The following GABRB2 variants were observed in gnomAD, a reference collection of about 807,000 sequenced individuals.
GABRB2 encodes gamma-aminobutyric acid type A receptor subunit beta2.
A neutral mutation model predicts 54.7 loss-of-function variants in GABRB2; 16 were observed. The ratio of observed to expected loss-of-function variants is 0.29; its 90% confidence interval spans 0.20 to 0.44. The LOEUF is 0.44. Ranked by LOEUF, GABRB2 falls within the 20% of genes least tolerant of loss-of-function variation. The probability of loss-of-function intolerance (pLI) is 1.00; values close to 1 mark genes in which losing one functional copy is unlikely to be tolerated. For missense variants in GABRB2, 355 were observed against 644.0 expected, an observed-to-expected ratio of 0.55 and a Z score of 4.86; for synonymous variants, 244 against 233.8, an observed-to-expected ratio of 1.04 and a Z score of -0.40.
intron 4 of GABRB2, among the ~76,000 whole-genome samples, chr5:161,432,523 T>C (rs527955115): frequency 6.6e-6 from 1 of 152,314 alleles, no homozygotes; most frequent in East Asian, 1.9e-4. Flanking sequence ...GAAGGTACTC[T>C]AAAATTCTGG....
At chr5:161,405,033 C>T (rs913891006) in intron 5 of GABRB2, among the ~76,000 whole-genome samples, 20 of 152,090 alleles carry the variant, frequency 1.3e-4, no homozygotes, top group Non-Finnish European at 2.6e-4. Flanking sequence ...TAACTTTCAG[C>T]CAAAAATTGC....
At chr5:161,295,854 T>G (rs1757366866) in intron 9 of GABRB2, among the ~76,000 whole-genome samples, 1 of 152,168 alleles carries the variant, frequency 6.6e-6, no homozygotes, top group Non-Finnish European at 1.5e-5. Flanking sequence ...ACTAAACAAA[T>G]AGATTATTAA....
At chr5:161,353,826 A>C (rs980258688) in intron 5 of GABRB2, among the ~76,000 whole-genome samples, 1 of 152,016 alleles carries the variant, frequency 6.6e-6, no homozygotes, top group African/African-American at 2.4e-5. Context: ...GATTTAATAA[A>C]GCAAAACAAA....
intron 5 of GABRB2, among the ~76,000 whole-genome samples, chr5:161,393,631 C>T (rs1755904626): frequency 6.6e-6 from 1 of 151,986 alleles, no homozygotes; most frequent in African/African-American, 2.4e-5. Flanking sequence ...ATAAAATGCA[C>T]TTTGAGACTA....
chr5:161,353,293 A>G (rs948507036), intron 5 of GABRB2, among the ~76,000 whole-genome samples: 3 of 152,036 alleles, frequency 2.0e-5, no homozygotes, highest in Non-Finnish European at 4.4e-5. Flanking sequence ...AATACTAAGC[A>G]CATTAAAAAT....
intron 9 of GABRB2, among the ~76,000 whole-genome samples, chr5:161,296,703 C>G (rs1757390349): frequency 6.6e-6 from 1 of 152,162 alleles, no homozygotes; most frequent in African/African-American, 2.4e-5. Flanking sequence ...GTGTTTGGCC[C>G]TATGCCAAGC....
At chr5:161,430,437 A>G (rs1757143385) in intron 4 of GABRB2, among the ~76,000 whole-genome samples, 1 of 152,166 alleles carries the variant, frequency 6.6e-6, no homozygotes, top group African/African-American at 2.4e-5. Context: ...ACTTCAGTAG[A>G]GAGGAAAGAA....
At chr5:161,335,282 C>T (rs901351053) in intron 6 of GABRB2, among the ~76,000 whole-genome samples, 1 of 152,084 alleles carries the variant, frequency 6.6e-6, no homozygotes, top group Non-Finnish European at 1.5e-5. Flanking sequence ...GCTGCATGTT[C>T]TGGTCATAGT....
Position 161,466,493 on chromosome 5 carries a change from AT to A in GABRB2, c.238-6650del, listed in dbSNP as rs376642198. On this transcript the variant is annotated intron_variant, in intron 3 of 9. Coordinates refer to ENST00000393959, the MANE Select transcript of GABRB2 (RefSeq NM_001371727.1). ...GAATCAACATATTCATTCAATGACA[AT>A]TTTTAAGTACTAATAAGACAAACCA... Among the ~76,000 whole-genome samples the A allele has an allele frequency of 4.5e-3, 678 of 152,132 alleles. 4 individuals are homozygous for A. Among genetic ancestry groups the A allele is most frequent in the African/African-American group, 0.016 (653 of 41,510 alleles).
chr5:161,305,730 TAAC>T (rs989375226), intron 9 of GABRB2, among the ~76,000 whole-genome samples: 2 of 152,202 alleles, frequency 1.3e-5, no homozygotes, highest in African/African-American at 4.8e-5. Context: ...CACTTTTAAA[TAAC>T]ACCACAGAGG....
chr5:161,300,130 G>A (rs1757494555), intron 9 of GABRB2, among the ~76,000 whole-genome samples: 1 of 152,160 alleles, frequency 6.6e-6, no homozygotes, highest in Non-Finnish European at 1.5e-5. Flanking sequence ...AAGAGCAAAA[G>A]TATAGGAGAT....
chr5:161,422,857 G>A (rs1037464975), intron 4 of GABRB2, among the ~76,000 whole-genome samples: 31 of 152,130 alleles, frequency 2.0e-4, no homozygotes, highest in African/African-American at 7.0e-4. Context: ...CCATTTAAAT[G>A]TTGGTGGAAA....
chr5:161,418,101 A>G (rs1284919462), intron 4 of GABRB2, among the ~76,000 whole-genome samples: 1 of 152,226 alleles, frequency 6.6e-6, no homozygotes, highest in African/African-American at 2.4e-5. Flanking sequence ...TTAAAGGGCT[A>G]CACAGGTTTC....
intron 3 of GABRB2, among the ~76,000 whole-genome samples, chr5:161,534,661 A>G (rs1760574242): frequency 6.6e-6 from 1 of 152,222 alleles, no homozygotes; most frequent in Admixed American, 6.5e-5. Flanking sequence ...ATTAACCAAG[A>G]GAAATAGAAA....
chr5:161,440,062 CA>C (rs61152845), intron 4 of GABRB2, among the ~76,000 whole-genome samples: 22,308 of 77,192 alleles, frequency 0.29, 2,195 homozygotes, highest in African/African-American at 0.45. Flanking sequence ...AACCTCAAAC[CA>C]AAAAAAAAAA....
intron 4 of GABRB2, among the ~76,000 whole-genome samples, chr5:161,422,281 T>C (rs558484467): frequency 6.5e-4 from 99 of 152,214 alleles, no homozygotes; most frequent in African/African-American, 2.3e-3. Context: ...TATAGGTATA[T>C]ATGTATATAT....
rs375783580 is a variant in GABRB2 at position 161,491,465 on chromosome 5, A to T, written c.238-31621T>A. Among the ~76,000 whole-genome samples the T allele has an allele frequency of 2.3e-3, 353 of 151,812 alleles. 1 individual carries two copies. The highest frequency in any genetic ancestry group is 4.1e-3 in the Non-Finnish European group (278 of 67,730). The stretch of plus-strand genomic sequence containing the variant: ...GGAATTATGCAAATTAAACTATTAG[A>T]ATAATTACAGAAAAGCAATTATTTG... On this transcript the variant is annotated intron_variant, in intron 3 of 9. Coordinates refer to ENST00000393959, the MANE Select transcript of GABRB2 (RefSeq NM_001371727.1).
At chr5:161,454,376 A>G (rs1757886250) in intron 4 of GABRB2, among the ~76,000 whole-genome samples, 1 of 152,170 alleles carries the variant, frequency 6.6e-6, no homozygotes, top group Non-Finnish European at 1.5e-5. Context: ...ACACTGTTTG[A>G]CAATCCTTTG....
intron 4 of GABRB2, among the ~76,000 whole-genome samples, chr5:161,456,772 T>C (rs1757966140): frequency 1.3e-5 from 2 of 152,180 alleles, no homozygotes; most frequent in Non-Finnish European, 2.9e-5. Context: ...TTAATATTAT[T>C]ACTATTTTAA....
Sources: allele counts gnomAD v4.1 joint callset (sites outside exome capture counted in the v4.1 genomes callset), GRCh38; gene constraint gnomAD v4.1.1; transcripts MANE v1.5; gene names NCBI Gene and HGNC (gene_info 2026-07-23, HGNC 2026-07-21).